Variants in ATP8A1 observed in about 807,000 individuals in gnomAD.
The protein encoded by ATP8A1 is phospholipid-transporting ATPase IA.
Under a neutral mutation model 177.7 loss-of-function variants are expected in ATP8A1, and 90 were observed. The ratio of observed to expected loss-of-function variants is 0.51; its 90% confidence interval spans 0.43 to 0.60. The LOEUF (loss-of-function observed/expected upper bound fraction) is 0.60. Ranked by LOEUF, ATP8A1 falls within the 20% of genes least tolerant of loss-of-function variation. The pLI is 0.00. For missense variants in ATP8A1, 1,072 were observed against 1,392.8 expected (o/e 0.77, Z 3.67); for synonymous variants, 493 against 485.9 (o/e 1.01, Z -0.19).
intron 15 of ATP8A1, among the ~76,000 whole-genome samples, chr4:42,564,256 C>G (rs1010084884): frequency 2.6e-5 from 4 of 152,094 alleles, no homozygotes; most frequent in Non-Finnish European, 5.9e-5. Flanking sequence ...GGGTCAGAGC[C>G]CCCCCCAACA....
intron 15 of ATP8A1, among the ~76,000 whole-genome samples, chr4:42,556,549 G>A (rs1299275734): frequency 1.3e-5 from 2 of 151,922 alleles, no homozygotes; most frequent in African/African-American, 4.8e-5. Context: ...TAATATCTGA[G>A]CAAATATTTA....
At chr4:42,468,421 T>G (rs1006296665) in intron 25 of ATP8A1, among the ~76,000 whole-genome samples, 4 of 123,384 alleles carry the variant, frequency 3.2e-5, no homozygotes, top group African/African-American at 1.2e-4. Context: ...ACATATTTTA[T>G]ATATTTTATA....
chr4:42,594,436 G>A, intron 6 of ATP8A1: 1 of 830,006 alleles, frequency 1.2e-6, no homozygotes, highest in Non-Finnish European at 2.0e-6. Context: ...ATTGTAAAAA[G>A]CATAGAATAC....
chr4:42,579,547 G>A (rs1370471866), intron 11 of ATP8A1, among the ~76,000 whole-genome samples: 1 of 151,368 alleles, frequency 6.6e-6, no homozygotes, highest in East Asian at 1.9e-4. Context: ...AGTTTTCGTT[G>A]ATATATATAA....
intron 12 of ATP8A1, among the ~76,000 whole-genome samples, chr4:42,577,055 T>TTCTA (rs1435866356): frequency 6.6e-6 from 1 of 152,230 alleles, no homozygotes; most frequent in African/African-American, 2.4e-5. Flanking sequence ...AAAGTCAGTG[T>TTCTA]TCTATCTGTC....
chr4:42,625,002 T>G (rs1737898254), intron 3 of ATP8A1: 1 of 155,852 alleles, frequency 6.4e-6, no homozygotes, highest in Admixed American at 6.6e-5. Flanking sequence ...AGGTATTCTA[T>G]GATCCCCTTT....
intron 24 of ATP8A1, among the ~76,000 whole-genome samples, chr4:42,497,654 A>G (rs1723421345): frequency 6.6e-6 from 1 of 152,238 alleles, no homozygotes; most frequent in Non-Finnish European, 1.5e-5. Context: ...TTTAAAAAAA[A>G]AGGACACATT....
At position 42,465,013 on chromosome 4, in the gene ATP8A1, C is replaced by A. The variant is rs201046724; in HGVS notation, c.2388G>T (p.Thr796=). ...CATTTGCTCCATCACCGATTGCAAG[C>A]GTTACGACTTTGACTTGTTTCTTAA... ...EMVKKQVKVV[T]LAIGDGANDV... The change falls in exon 26 of 37, where the codon ACG becomes ACT. Residue 796 remains threonine (T), a synonymous_variant. Transcript: ENST00000381668. 1.2e-4 allele frequency: 191 copies of A among 1,614,042 alleles called. 2 individuals carry two copies. In the Admixed American group the frequency reaches 3.1e-3, roughly 26 times the overall value.
intron 1 of ATP8A1, among the ~76,000 whole-genome samples, chr4:42,647,782 A>G (rs951064836): frequency 6.6e-6 from 1 of 152,076 alleles, no homozygotes; most frequent in African/African-American, 2.4e-5. Context: ...CAAAAAGGAG[A>G]AAAAAGAGTA....
chr4:42,527,815 C>A (rs997212031), intron 20 of ATP8A1, among the ~76,000 whole-genome samples: 2 of 152,104 alleles, frequency 1.3e-5, no homozygotes, highest in African/African-American at 4.8e-5. Context: ...AATCAATTTC[C>A]AAACTTGAGC....
At chr4:42,429,381 G>GTT (rs140094527) in intron 33 of ATP8A1, among the ~76,000 whole-genome samples, 3,872 of 150,122 alleles carry the variant, frequency 0.026, 97 homozygotes, top group South Asian at 0.094. Flanking sequence ...AAATAAAAGT[G>GTT]TTTTGTTTTT....
chr4:42,432,070 A>G (rs903896555), intron 33 of ATP8A1, among the ~76,000 whole-genome samples: 1 of 152,074 alleles, frequency 6.6e-6, no homozygotes, highest in African/African-American at 2.4e-5. Context: ...GTGTTGCTGT[A>G]TTCCCATTTC....
chr4:42,452,664 C>T (rs1718054753), intron 29 of ATP8A1, among the ~76,000 whole-genome samples: 1 of 152,136 alleles, frequency 6.6e-6, no homozygotes, highest in Non-Finnish European at 1.5e-5. Flanking sequence ...ATAATTATAA[C>T]ATCATATAAT....
At chr4:42,503,925 C>A (rs900836119) in intron 23 of ATP8A1, among the ~76,000 whole-genome samples, 1 of 152,162 alleles carries the variant, frequency 6.6e-6, no homozygotes, top group African/African-American at 2.4e-5. Context: ...ATCCGCTGAT[C>A]CCATCACCAT....
intron 15 of ATP8A1, 35 bp downstream of exon 15, chr4:42,569,126 G>A (rs759220593): frequency 1.8e-5 from 28 of 1,522,954 alleles, no homozygotes; most frequent in Admixed American, 7.7e-5. Flanking sequence ...ACCTTTTATA[G>A]GGATCAATGA....
intron 24 of ATP8A1, among the ~76,000 whole-genome samples, chr4:42,488,408 A>G (rs909242501): frequency 6.6e-6 from 1 of 151,970 alleles, no homozygotes; most frequent in Non-Finnish European, 1.5e-5. Flanking sequence ...AAAAAAAAAA[A>G]CAACAAACCA....
chr4:42,435,723 T>C (rs1715916170), intron 33 of ATP8A1, among the ~76,000 whole-genome samples: 1 of 152,280 alleles, frequency 6.6e-6, no homozygotes, highest in Non-Finnish European at 1.5e-5. Flanking sequence ...CCTTGGAGAA[T>C]GGGCACCTGC....
intron 16 of ATP8A1, among the ~76,000 whole-genome samples, chr4:42,555,131 ATCT>A (rs55808343): frequency 0.013 from 977 of 75,722 alleles, 9 homozygotes; most frequent in South Asian, 0.014. Flanking sequence ...CTATCTATCT[ATCT>A]ATCTAATCTA....
At chr4:42,422,395 C>T (rs753138686) in intron 35 of ATP8A1, among the ~76,000 whole-genome samples, 1 of 152,142 alleles carries the variant, frequency 6.6e-6, no homozygotes, top group African/African-American at 2.4e-5. Flanking sequence ...TGGCCAATTA[C>T]ATACATTTTA....
Sources: gnomAD v4.1 joint callset for allele counts (sites outside exome capture counted in the v4.1 genomes callset) on GRCh38, gnomAD v4.1.1 for gene constraint, MANE v1.5 for transcripts, NCBI Gene and HGNC (gene_info 2026-07-23, HGNC 2026-07-21) for gene names.